The following KIF6 variants were observed in gnomAD, a reference collection of about 807,000 sequenced individuals.
The protein encoded by KIF6 is kinesin-like protein KIF6.
Under a neutral mutation model 112.7 loss-of-function variants are expected in KIF6, and 106 were observed. The observed-to-expected ratio is 0.94, with a 90% confidence interval of 0.80 to 1.11. The LOEUF (loss-of-function observed/expected upper bound fraction) is 1.11, where lower values mean the gene tolerates loss of function less well. Ranked by LOEUF, KIF6 falls within the 50% of genes least tolerant of loss-of-function variation. The pLI is 0.00. For synonymous variants in KIF6, 339 were observed against 339.9 expected (o/e 1.00, Z 0.03); for missense variants, 929 against 964.0 (o/e 0.96, Z 0.48).
intron 3 of KIF6, among the ~76,000 whole-genome samples, chr6:39,641,262 A>C (rs1784883078): frequency 6.6e-6 from 1 of 152,152 alleles, no homozygotes; most frequent in Admixed American, 6.6e-5. Context: ...ATAGATGTAA[A>C]ATATTCTAGG....
intron 9 of KIF6, among the ~76,000 whole-genome samples, chr6:39,579,811 T>A (rs1781189907): frequency 6.6e-6 from 1 of 152,034 alleles, no homozygotes; most frequent in East Asian, 1.9e-4. Flanking sequence ...AATTATATAA[T>A]ATGTTTATAT....
chr6:39,386,635 C>G (rs1215391640), intron 15 of KIF6, among the ~76,000 whole-genome samples: 1 of 151,906 alleles, frequency 6.6e-6, no homozygotes, highest in East Asian at 1.9e-4. Context: ...AGGGTTCAAG[C>G]AGAAGCTGGG....
At chr6:39,376,264 C>T (rs897251200) in intron 16 of KIF6, among the ~76,000 whole-genome samples, 2 of 152,186 alleles carry the variant, frequency 1.3e-5, no homozygotes, top group Non-Finnish European at 2.9e-5. Context: ...AGGGTGAAAA[C>T]ATCTGTAATC....
At chr6:39,460,084 T>C (rs1252696193) in intron 13 of KIF6, among the ~76,000 whole-genome samples, 1 of 150,016 alleles carries the variant, frequency 6.7e-6, no homozygotes, top group Non-Finnish European at 1.5e-5. Context: ...CGTATGTTTA[T>C]TGTGGCATTA....
rs183331133 is a variant in KIF6 at position 39,639,879 on chromosome 6, T to C, written c.252-122A>G. On this transcript the variant is annotated intron_variant, in intron 3 of 22. Coordinates refer to ENST00000287152, the MANE Select transcript of KIF6 (RefSeq NM_145027.6). ...TAAAAAAACTTTATAGAAATATCTATTAAAAATTTATATATGTGAATATCT... is the reference window on the plus strand; with the variant it reads ...TAAAAAAACTTTATAGAAATATCTACTAAAAATTTATATATGTGAATATCT... The C allele has an allele frequency of 1.6e-4, 122 of 771,700 alleles. No individual in the cohort carries two copies. The East Asian group carries it at 3.1e-3, about 19-fold the overall frequency. The allele number at this position is 771,700 out of a possible 1,614,324, so 47.8% of individuals were successfully genotyped here.
intron 3 of KIF6, among the ~76,000 whole-genome samples, chr6:39,704,960 C>T (rs971704347): frequency 3.3e-5 from 5 of 152,140 alleles, no homozygotes; most frequent in Admixed American, 6.5e-5. Flanking sequence ...TATATGAAGC[C>T]GGTTCTGGCT....
intron 9 of KIF6, among the ~76,000 whole-genome samples, chr6:39,582,063 T>C (rs1561833668): frequency 6.6e-6 from 1 of 152,250 alleles, no homozygotes; most frequent in East Asian, 1.9e-4. Context: ...ATCATCAATC[T>C]ATACAGAATG....
At chr6:39,683,002 G>A (rs932712010) in intron 3 of KIF6, among the ~76,000 whole-genome samples, 21 of 152,254 alleles carry the variant, frequency 1.4e-4, no homozygotes, top group African/African-American at 5.1e-4. Flanking sequence ...CAAAGGGCAA[G>A]AACAATCTTG....
chr6:39,705,580 A>G (rs567105946), intron 3 of KIF6, among the ~76,000 whole-genome samples: 1 of 152,222 alleles, frequency 6.6e-6, no homozygotes, highest in Non-Finnish European at 1.5e-5. Flanking sequence ...GGAGCCAGGA[A>G]CACTACAGTG....
At chr6:39,681,440 A>T (rs2113773178) in intron 3 of KIF6, among the ~76,000 whole-genome samples, 1 of 152,304 alleles carries the variant, frequency 6.6e-6, no homozygotes. Flanking sequence ...TTATGCTACA[A>T]AAAGTAGGAG....
At chr6:39,668,946 T>C (rs57142558) in intron 3 of KIF6, among the ~76,000 whole-genome samples, 3,655 of 152,184 alleles carry the variant, frequency 0.024, 151 homozygotes, top group African/African-American at 0.082. Context: ...TGACTAGATA[T>C]TGAGCAACTT....
chr6:39,425,673 CT>C (rs55923524), intron 14 of KIF6, among the ~76,000 whole-genome samples: 133,988 of 144,518 alleles, frequency 0.93, 62,126 homozygotes, highest in South Asian at 0.99. Flanking sequence ...TTTTGAGTAC[CT>C]TTTTTTTTTT....
intron 6 of KIF6, among the ~76,000 whole-genome samples, chr6:39,609,980 G>C (rs1783127727): frequency 6.6e-6 from 1 of 152,228 alleles, no homozygotes; most frequent in African/African-American, 2.4e-5. Context: ...CTTGGGCACA[G>C]AGTGCCCTAG....
intron 13 of KIF6, among the ~76,000 whole-genome samples, chr6:39,523,514 C>A (rs1420513741): frequency 6.6e-6 from 1 of 151,400 alleles, no homozygotes; most frequent in Non-Finnish European, 1.5e-5. Context: ...ACAAACCCTA[C>A]AATCCAACCC....
intron 13 of KIF6, among the ~76,000 whole-genome samples, chr6:39,475,764 C>G (rs1489600041): frequency 6.6e-6 from 1 of 152,170 alleles, no homozygotes. Flanking sequence ...TCATGAGCAG[C>G]TGGAGAGTTT....
At chr6:39,390,048 A>AAAAAAAAAAAG (rs1258761315) in intron 15 of KIF6, among the ~76,000 whole-genome samples, 3,683 of 136,482 alleles carry the variant, frequency 0.027, 245 homozygotes, top group African/African-American at 0.09. Context: ...AAAAAAAAAA[A>AAAAAAAAAAAG]AAAAGGAAAT....
chr6:39,522,815 C>A (rs1777471170), intron 13 of KIF6, among the ~76,000 whole-genome samples: 1 of 152,154 alleles, frequency 6.6e-6, no homozygotes, highest in Non-Finnish European at 1.5e-5. Context: ...GCCTACTCTG[C>A]CAATACTGGG....
chr6:39,500,497 G>GA (rs1230817340), intron 13 of KIF6, among the ~76,000 whole-genome samples: 1 of 152,164 alleles, frequency 6.6e-6, no homozygotes, highest in African/African-American at 2.4e-5. Flanking sequence ...TATAATGCGT[G>GA]AAATTGGAGG....
chr6:39,390,031 C>CAA (rs943420819), intron 15 of KIF6, among the ~76,000 whole-genome samples: 11 of 43,440 alleles, frequency 2.5e-4, no homozygotes, highest in Non-Finnish European at 3.7e-4. Flanking sequence ...ACTCTGTCTC[C>CAA]AAAAAAAAAA....
Sources: allele counts gnomAD v4.1 joint callset (sites outside exome capture counted in the v4.1 genomes callset), GRCh38; gene constraint gnomAD v4.1.1; transcripts MANE v1.5; gene names NCBI Gene and HGNC (gene_info 2026-07-23, HGNC 2026-07-21).